CNOT6L: variants seen among roughly 807,000 people sequenced by gnomAD.
CNOT6L encodes CCR4-NOT transcription complex subunit 6-like.
A neutral mutation model predicts 64.0 loss-of-function variants in CNOT6L; 7 were observed. The ratio of observed to expected loss-of-function variants is 0.11; its 90% confidence interval spans 0.06 to 0.21. The LOEUF (loss-of-function observed/expected upper bound fraction) is 0.21, where lower values mean the gene tolerates loss of function less well. Ranked by LOEUF, CNOT6L falls within the 10% of genes least tolerant of loss-of-function variation. The pLI, the probability that CNOT6L is intolerant of heterozygous loss-of-function variation, is 1.00. For missense variants in CNOT6L, 245 were observed against 669.0 expected, an observed-to-expected ratio of 0.37 and a Z score of 6.99; for synonymous variants, 193 against 243.4, an observed-to-expected ratio of 0.79 and a Z score of 1.93.
At chr4:77,774,475 A>G in intron 3 of CNOT6L, 55 bp downstream of exon 3, 1 of 1,382,372 alleles carries the variant, frequency 7.2e-7, no homozygotes, top group Non-Finnish European at 9.9e-7. Context: ...ACATCCCCTC[A>G]TTTTCTTAAA....
intron 1 of CNOT6L, among the ~76,000 whole-genome samples, chr4:77,801,248 G>A (rs976272465): frequency 2.0e-5 from 3 of 152,112 alleles, no homozygotes; most frequent in Non-Finnish European, 2.9e-5. Context: ...TTCCCACAAA[G>A]GTAGCAGAGT....
intron 5 of CNOT6L, among the ~76,000 whole-genome samples, chr4:77,750,190 T>C (rs1724702914): frequency 6.6e-6 from 1 of 152,172 alleles, no homozygotes; most frequent in Non-Finnish European, 1.5e-5. Flanking sequence ...TGTATGTAAA[T>C]GCCTACCAGA....
At chr4:77,783,191 A>G (rs1729080819) in intron 1 of CNOT6L, among the ~76,000 whole-genome samples, 1 of 151,392 alleles carries the variant, frequency 6.6e-6, no homozygotes, top group Admixed American at 6.6e-5. Context: ...ATAATGGCAA[A>G]GTCACTCATC....
intron 4 of CNOT6L, among the ~76,000 whole-genome samples, chr4:77,770,968 C>A (rs1727473118): frequency 6.6e-6 from 1 of 152,172 alleles, no homozygotes; most frequent in Non-Finnish European, 1.5e-5. Flanking sequence ...GTAAGAAATA[C>A]TAACAGTTGC....
At chr4:77,796,376 C>G (rs1334886785) in intron 1 of CNOT6L, among the ~76,000 whole-genome samples, 3 of 152,082 alleles carry the variant, frequency 2.0e-5, no homozygotes, top group Non-Finnish European at 4.4e-5. Context: ...GTGATTGAAT[C>G]ATGGGGGAGG....
intron 5 of CNOT6L, among the ~76,000 whole-genome samples, chr4:77,754,400 T>G (rs1213432105): frequency 6.6e-6 from 1 of 152,092 alleles, no homozygotes; most frequent in East Asian, 1.9e-4. Flanking sequence ...ACATAGAAAC[T>G]TAAAACTACT....
intron 4 of CNOT6L, among the ~76,000 whole-genome samples, chr4:77,759,781 A>G (rs1184298717): frequency 6.6e-6 from 1 of 152,156 alleles, no homozygotes; most frequent in Non-Finnish European, 1.5e-5. Flanking sequence ...AGGTTGAAAA[A>G]CAGAACACTA....
chr4:77,755,057 G>C (rs1279337212), intron 5 of CNOT6L, among the ~76,000 whole-genome samples: 2 of 151,072 alleles, frequency 1.3e-5, no homozygotes, highest in Non-Finnish European at 3.0e-5. Context: ...TTTGTCAAAA[G>C]ACAAATTAAG....
rs1192680278 is a variant in CNOT6L at position 77,786,865 on chromosome 4, T to C, written c.6-10473A>G. ...TATCACCAGAGTCATGGAGAGATGA[T>C]GTTCTATATGTAAAGATAGAAAGCT... On this transcript the variant is annotated intron_variant, in intron 1 of 11. Transcript: ENST00000504123. Among the ~76,000 whole-genome samples, 3 of 152,166 alleles carry C rather than the reference T, an allele frequency of 2.0e-5. No homozygotes were observed. The East Asian group carries it at 5.8e-4, about 29-fold the overall frequency.
intron 1 of CNOT6L, among the ~76,000 whole-genome samples, chr4:77,806,340 G>A (rs1424875247): frequency 6.6e-6 from 1 of 151,912 alleles, no homozygotes; most frequent in African/African-American, 2.4e-5. Context: ...CAGGAGAATC[G>A]CTTGAACCTG....
At chr4:77,805,437 T>A (rs1732105516) in intron 1 of CNOT6L, among the ~76,000 whole-genome samples, 1 of 151,912 alleles carries the variant, frequency 6.6e-6, no homozygotes, top group African/African-American at 2.4e-5. Flanking sequence ...AGAAAAAAAA[T>A]TACATCACCA....
At chr4:77,741,954 A>C (rs1723646189) in intron 8 of CNOT6L, among the ~76,000 whole-genome samples, 187 bp downstream of exon 8, 1 of 152,208 alleles carries the variant, frequency 6.6e-6, no homozygotes, top group Non-Finnish European at 1.5e-5. Flanking sequence ...CATAAGGAAT[A>C]ATACAATAAA....
intron 1 of CNOT6L, among the ~76,000 whole-genome samples, chr4:77,797,111 A>AAAAAAAAAAAAAAAAC: frequency 6.7e-6 from 1 of 150,148 alleles, no homozygotes; most frequent in Non-Finnish European, 1.5e-5. Context: ...TCAAAAAAAA[A>AAAAAAAAAAAAAAAAC]AAAAAAAAAA....
intron 1 of CNOT6L, among the ~76,000 whole-genome samples, chr4:77,805,949 C>A (rs1732163509): frequency 6.6e-6 from 1 of 152,130 alleles, no homozygotes; most frequent in South Asian, 2.1e-4. Context: ...TCAATTTAAC[C>A]AACATAAAAT....
At chr4:77,745,264 ATATC>A (rs1162033678) in intron 6 of CNOT6L, among the ~76,000 whole-genome samples, 5 of 152,226 alleles carry the variant, frequency 3.3e-5, no homozygotes, top group Non-Finnish European at 7.3e-5. Flanking sequence ...TATTAACAAA[ATATC>A]TAAGTATTTT....
rs1175160099 is a variant in CNOT6L at position 77,720,400 on chromosome 4, C to T, written c.*31G>A. The T allele has an allele frequency of 6.2e-7, 1 of 1,611,136 alleles. No individual in the cohort carries two copies. Among genetic ancestry groups the T allele is most frequent in the Non-Finnish European group, 8.5e-7 (1 of 1,177,508 alleles). ...TTACAACTGTACAGGTCCATAGCAACAGATCCCCGTCTTGGCGGGGCAGTA... is the reference window on the plus strand; with the variant it reads ...TTACAACTGTACAGGTCCATAGCAATAGATCCCCGTCTTGGCGGGGCAGTA... On this transcript the variant is annotated 3_prime_UTR_variant, in exon 12 of 12. Transcript: ENST00000504123.
At position 77,776,232 on chromosome 4, in the gene CNOT6L, C is replaced by T. The variant is rs780727290; in HGVS notation, c.127+39G>A. ...GCAATACTCAACTTTTGTATTATCACTATTACATTCCAGATTAAATGCTTC... is the reference window on the plus strand; with the variant it reads ...GCAATACTCAACTTTTGTATTATCATTATTACATTCCAGATTAAATGCTTC... On this transcript the variant is annotated intron_variant, in intron 2 of 11. Coordinates refer to ENST00000504123, the MANE Select transcript of CNOT6L (RefSeq NM_144571.3). 7 of 1,597,168 alleles carry T rather than the reference C, an allele frequency of 4.4e-6. No homozygotes were observed. The African/African-American group carries it at 5.4e-5, about 12-fold the overall frequency.
chr4:77,811,927 G>A (rs1732987651), intron 1 of CNOT6L, among the ~76,000 whole-genome samples: 1 of 151,776 alleles, frequency 6.6e-6, no homozygotes, highest in South Asian at 2.1e-4. Flanking sequence ...GGCAGAAGAT[G>A]GAATGTTTTC....
intron 1 of CNOT6L, among the ~76,000 whole-genome samples, chr4:77,795,358 A>T (rs1295628584): frequency 1.3e-5 from 2 of 152,136 alleles, no homozygotes; most frequent in South Asian, 4.1e-4. Flanking sequence ...TGACATAAAA[A>T]AATAGAGATT....
Sources: gnomAD v4.1 joint callset for allele counts (sites outside exome capture counted in the v4.1 genomes callset) on GRCh38, gnomAD v4.1.1 for gene constraint, MANE v1.5 for transcripts, NCBI Gene and HGNC (gene_info 2026-07-23, HGNC 2026-07-21) for gene names.